ADGRE3: variants seen among roughly 807,000 people sequenced by gnomAD.
The protein encoded by ADGRE3 is EGF-like module receptor 3.
In ADGRE3, 88 loss-of-function variants were observed where a neutral mutation model predicts 80.1. The observed-to-expected ratio is 1.10, with a 90% CI of 0.93 to 1.31. ADGRE3 has a LOEUF of 1.31. Ranked by LOEUF, ADGRE3 falls within the 40% of genes most tolerant of loss-of-function variation. The pLI, the probability that ADGRE3 is intolerant of heterozygous loss-of-function variation, is 0.00. For synonymous variants in ADGRE3, 281 were observed against 294.8 expected, an observed-to-expected ratio of 0.95 and a Z score of 0.48; for missense variants, 715 against 776.5, an observed-to-expected ratio of 0.92 and a Z score of 0.94.
intron 7 of ADGRE3, among the ~76,000 whole-genome samples, chr19:14,650,626 T>C: frequency 8.0e-6 from 1 of 125,632 alleles, no homozygotes; most frequent in African/African-American, 2.9e-5. Context: ...GCTCTCTGTC[T>C]CCATCTCTCT....
chr19:14,624,962 T>C (rs894927050), intron 15 of ADGRE3, among the ~76,000 whole-genome samples: 9 of 151,712 alleles, frequency 5.9e-5, no homozygotes, highest in African/African-American at 1.9e-4. Flanking sequence ...AAAGAGCCGA[T>C]GTGTGCTGTT....
chr19:14,651,038 T>C (rs1343704813), intron 7 of ADGRE3, 47 bp downstream of exon 7: 1 of 1,607,720 alleles, frequency 6.2e-7, no homozygotes, highest in Non-Finnish European at 8.5e-7. Flanking sequence ...ACTCACACAA[T>C]GACATGGCTC....
intron 6 of ADGRE3, 95 bp downstream of exon 6, chr19:14,654,887 A>C: frequency 1.1e-6 from 1 of 904,460 alleles, no homozygotes; most frequent in Non-Finnish European, 1.7e-6. Context: ...AAAGGGACTC[A>C]TGTGGTGTAT....
At chr19:14,616,138 G>A (rs2075074230), downstream of ADGRE3, among the ~76,000 whole-genome samples, 1 of 151,812 alleles carries the variant, frequency 6.6e-6, no homozygotes, top group Non-Finnish European at 1.5e-5. Flanking sequence ...CACCATATTG[G>A]CCAGGCTGGT....
chr19:14,613,567 G>C, the ADGRE3 span, among the ~76,000 whole-genome samples: 1 of 152,154 alleles, frequency 6.6e-6, no homozygotes, highest in African/African-American at 2.4e-5. Flanking sequence ...TGTTTTGTCT[G>C]AGAACAGGTG....
At chr19:14,624,101 T>TTTTC (rs1380387845) in intron 15 of ADGRE3, among the ~76,000 whole-genome samples, 1 of 151,666 alleles carries the variant, frequency 6.6e-6, no homozygotes, top group African/African-American at 2.4e-5. Flanking sequence ...GCTTCCTTTT[T>TTTTC]TTTTTTTTTT....
At chr19:14,648,377 C>T (rs114702613) in intron 7 of ADGRE3, among the ~76,000 whole-genome samples, 2,014 of 152,194 alleles carry the variant, frequency 0.013, 48 homozygotes, top group African/African-American at 0.046. Flanking sequence ...GTTCAGCCCC[C>T]GGAGCAACCC....
chr19:14,637,373 C>A (rs1046494872), intron 11 of ADGRE3, among the ~76,000 whole-genome samples: 13 of 150,520 alleles, frequency 8.6e-5, no homozygotes, highest in African/African-American at 1.2e-4. Flanking sequence ...TCTCGCTTGG[C>A]GCCCTGAGAT....
At chr19:14,659,436 G>T (rs1346968231) in intron 4 of ADGRE3, among the ~76,000 whole-genome samples, 4 of 152,172 alleles carry the variant, frequency 2.6e-5, no homozygotes, top group African/African-American at 9.7e-5. Context: ...AAGTCAGCCT[G>T]GCTGGGAATG....
At chr19:14,645,479 C>T (rs1971373918) in intron 8 of ADGRE3, among the ~76,000 whole-genome samples, 1 of 151,852 alleles carries the variant, frequency 6.6e-6, no homozygotes, top group Non-Finnish European at 1.5e-5. Flanking sequence ...TCCAACATGG[C>T]CAGACATCAT....
At chr19:14,619,608 C>G in intron 15 of ADGRE3, 137 bp from the exon 16 acceptor site, 1 of 671,758 alleles carries the variant, frequency 1.5e-6, no homozygotes, top group Non-Finnish European at 2.6e-6. Flanking sequence ...GATCTCCTAG[C>G]ATTTAAAAAT....
chr19:14,650,964 C>A, intron 7 of ADGRE3, 121 bp downstream of exon 7: 5 of 1,022,290 alleles, frequency 4.9e-6, no homozygotes, highest in Non-Finnish European at 5.6e-6. Context: ...GGAAAATCTC[C>A]AATATCGTAG....
At chr19:14,665,360 G>T (rs1478063391) in intron 2 of ADGRE3, among the ~76,000 whole-genome samples, 1 of 151,986 alleles carries the variant, frequency 6.6e-6, no homozygotes, top group African/African-American at 2.4e-5. Flanking sequence ...ACTGCGCCCA[G>T]CTGCAACCTC....
intron 5 of ADGRE3, among the ~76,000 whole-genome samples, chr19:14,657,302 A>G (rs1413627549): frequency 2.0e-5 from 3 of 152,194 alleles, no homozygotes; most frequent in African/African-American, 4.8e-5. Flanking sequence ...GGGATTGATT[A>G]CATGATGTAA....
At chr19:14,632,264 T>C (rs1397617160) in intron 13 of ADGRE3, among the ~76,000 whole-genome samples, 2 of 152,198 alleles carry the variant, frequency 1.3e-5, no homozygotes, top group African/African-American at 4.8e-5. Context: ...AATTTAAGCT[T>C]CTTAGTAACT....
intron 8 of ADGRE3, among the ~76,000 whole-genome samples, chr19:14,646,619 A>G (rs909791773): frequency 3.2e-5 from 4 of 123,774 alleles, no homozygotes; most frequent in African/African-American, 1.3e-4. Flanking sequence ...GGTGTTTGAC[A>G]TTGGTTTGGG....
At chr19:14,601,697 C>T in the ADGRE3 span, among the ~76,000 whole-genome samples, 1 of 152,170 alleles carries the variant, frequency 6.6e-6, no homozygotes, top group East Asian at 1.9e-4. Context: ...TAGCTCGTTG[C>T]AGCCTCAAAG....
intron 6 of ADGRE3, 110 bp from the exon 7 acceptor site, chr19:14,651,314 C>A: frequency 8.2e-7 from 1 of 1,219,942 alleles, no homozygotes; most frequent in Non-Finnish European, 1.2e-6. Context: ...ACTCAAGAGG[C>A]TGAGGCAGAA....
At chr19:14,652,116 A>G (rs1971622299) in intron 6 of ADGRE3, among the ~76,000 whole-genome samples, 1 of 152,160 alleles carries the variant, frequency 6.6e-6, no homozygotes, top group Non-Finnish European at 1.5e-5. Context: ...GCTTCAAATA[A>G]AAATAAAGTC....
Sources: gnomAD v4.1 joint callset for allele counts (sites outside exome capture counted in the v4.1 genomes callset) on GRCh38, gnomAD v4.1.1 for gene constraint, MANE v1.5 for transcripts, NCBI Gene and HGNC (gene_info 2026-07-23, HGNC 2026-07-21) for gene names.